Variants in DYNC1I1 observed in about 807,000 individuals in gnomAD.
DYNC1I1 encodes dynein cytoplasmic 1 intermediate chain 1.
In DYNC1I1, 43 loss-of-function variants were observed where a neutral mutation model predicts 86.6. The observed-to-expected ratio is 0.50, with a 90% CI of 0.39 to 0.64. The LOEUF (loss-of-function observed/expected upper bound fraction) is 0.64, where lower values mean the gene tolerates loss of function less well. Among genes scored for constraint, DYNC1I1 ranks in the 30% least tolerant of loss-of-function variants. DYNC1I1 has a pLI of 0.00. For synonymous variants in DYNC1I1, 262 were observed against 283.7 expected, an observed-to-expected ratio of 0.92 and a Z score of 0.77; for missense variants, 604 against 788.8, an observed-to-expected ratio of 0.77 and a Z score of 2.81.
At chr7:96,075,960 G>A (rs1053790504) in intron 14 of DYNC1I1, 97 bp from the exon 15 acceptor site, 5 of 1,500,216 alleles carry the variant, frequency 3.3e-6, no homozygotes, top group Admixed American at 2.0e-5. Context: ...GAAGTTTTAT[G>A]ACACTTTGTG....
rs1267027284 is a variant in DYNC1I1, at chr7:95,772,726, C to T, written c.-57C>T. On this transcript the variant is annotated 5_prime_UTR_variant, in exon 1 of 17. Coordinates refer to ENST00000447467, the MANE Select transcript of DYNC1I1 (RefSeq NM_001135556.2). ...ACCAACGCTGCCGCCGCCCAGGAGC[C>T]GCCGCCGGCTCGGGGAGCCCAGTTC... is the stretch of plus-strand genomic sequence containing the variant. 2 of 152,680 alleles carry T rather than the reference C, an allele frequency of 1.3e-5. No homozygotes were observed. The highest frequency in any genetic ancestry group is 4.8e-5 in the African/African-American group (2 of 41,446). The allele number at this position is 152,680 out of a possible 1,614,324, so 9.5% of individuals were successfully genotyped here. A position where few individuals can be genotyped will look rare whatever the true frequency, so the allele number is the denominator to read the frequency against.
chr7:96,097,808 T>C lies in DYNC1I1; in HGVS notation c.*215T>C. On this transcript the variant is annotated 3_prime_UTR_variant, in exon 17 of 17. Transcript: ENST00000447467. The stretch of plus-strand genomic sequence containing the variant: ...ACCACAGCATTTCTATCTTTATATT[T>C]CTGTCTCAAAAATGAAGAGAAGGGG... The C allele has an allele frequency of 7.8e-7, 1 of 1,282,790 alleles. No individual in the cohort carries two copies. Among genetic ancestry groups the C allele is most frequent in the South Asian group, 2.5e-5 (1 of 40,214 alleles). The allele number at this position is 1,282,790 out of a possible 1,614,324, so 79.5% of individuals were successfully genotyped here.
chr7:95,905,106 T>A (rs1014413000), intron 6 of DYNC1I1, among the ~76,000 whole-genome samples: 3 of 152,178 alleles, frequency 2.0e-5, no homozygotes, highest in Non-Finnish European at 4.4e-5. Flanking sequence ...TTATTTAAAG[T>A]GTTGTTTTCA....
intron 6 of DYNC1I1, among the ~76,000 whole-genome samples, chr7:95,910,471 C>T (rs1266919824): frequency 3.3e-5 from 5 of 152,114 alleles, no homozygotes; most frequent in African/African-American, 7.2e-5. Flanking sequence ...ACACTTATCC[C>T]TGGAAGTGGT....
chr7:95,859,533 CCCAGT>C (rs1273373534), intron 5 of DYNC1I1, among the ~76,000 whole-genome samples: 1 of 152,226 alleles, frequency 6.6e-6, no homozygotes, highest in African/African-American at 2.4e-5. Context: ...GCTCCAAAGC[CCCAGT>C]CCACTGTGGC....
intron 6 of DYNC1I1, 117 bp downstream of exon 6, chr7:95,870,115 T>C (rs912058258): frequency 3.4e-5 from 30 of 871,522 alleles, no homozygotes; most frequent in Non-Finnish European, 4.9e-5. Context: ...ACAAACATAA[T>C]GACACTGAAA....
At chr7:96,037,299 G>GTTATTCATTCATTCATAAATA (rs1200881620) in intron 13 of DYNC1I1, among the ~76,000 whole-genome samples, 4 of 152,144 alleles carry the variant, frequency 2.6e-5, no homozygotes, top group Admixed American at 6.5e-5. Context: ...ATTTGATAAA[G>GTTATTCATTCATTCATAAATA]TTATTCATTC....
At chr7:95,870,589 T>C (rs1790137054) in intron 6 of DYNC1I1, among the ~76,000 whole-genome samples, 1 of 152,242 alleles carries the variant, frequency 6.6e-6, no homozygotes, top group African/African-American at 2.4e-5. Context: ...CCAATTGAGG[T>C]AACAACACAC....
chr7:96,018,616 G>A (rs1303570373), intron 10 of DYNC1I1, among the ~76,000 whole-genome samples: 1 of 152,174 alleles, frequency 6.6e-6, no homozygotes, highest in Non-Finnish European at 1.5e-5. Context: ...TACATGGAGA[G>A]TGATGCTGAA....
At chr7:96,052,809 G>A (rs1789443256) in intron 14 of DYNC1I1, among the ~76,000 whole-genome samples, 1 of 152,164 alleles carries the variant, frequency 6.6e-6, no homozygotes, top group South Asian at 2.1e-4. Context: ...ATGCGATGGA[G>A]TGTAGACTTT....
intron 1 of DYNC1I1, among the ~76,000 whole-genome samples, chr7:95,775,012 A>G (rs755371262): frequency 5.3e-5 from 8 of 152,262 alleles, no homozygotes; most frequent in Non-Finnish European, 1.0e-4. Context: ...GATTGATAAC[A>G]GTAGCTAAAA....
At chr7:95,912,950 A>T (rs1371646873) in intron 6 of DYNC1I1, among the ~76,000 whole-genome samples, 1 of 152,208 alleles carries the variant, frequency 6.6e-6, no homozygotes, top group African/African-American at 2.4e-5. Flanking sequence ...CATGCTCCCA[A>T]AATGAGAACC....
intron 10 of DYNC1I1, among the ~76,000 whole-genome samples, chr7:96,026,868 C>A (rs1020744869): frequency 6.6e-6 from 1 of 152,150 alleles, no homozygotes; most frequent in Non-Finnish European, 1.5e-5. Flanking sequence ...CATCTATCCC[C>A]CTCACACACA....
At chr7:95,862,217 G>C (rs1789901804) in intron 5 of DYNC1I1, among the ~76,000 whole-genome samples, 1 of 152,020 alleles carries the variant, frequency 6.6e-6, no homozygotes. Context: ...TATTAAAATT[G>C]AAAATATTTG....
chr7:96,009,373 A>C (rs911486140), intron 10 of DYNC1I1, among the ~76,000 whole-genome samples: 1 of 152,180 alleles, frequency 6.6e-6, no homozygotes, highest in Non-Finnish European at 1.5e-5. Context: ...ACTCCAGAGC[A>C]AGCTCCACCA....
chr7:96,089,774 G>C (rs2116309158), intron 16 of DYNC1I1, among the ~76,000 whole-genome samples: 1 of 152,228 alleles, frequency 6.6e-6, no homozygotes, highest in African/African-American at 2.4e-5. Flanking sequence ...TTCAGTAGGA[G>C]GGAATGACAT....
Position 95,923,393 on chromosome 7 carries a change from A to G in DYNC1I1, c.490+53395A>G, listed in dbSNP as rs143068823. 2.4e-3 allele frequency among the ~76,000 whole-genome samples: 372 copies of G among 152,206 alleles called. 4 individuals are homozygous for G. Among genetic ancestry groups the G allele is most frequent in the African/African-American group, 8.6e-3 (359 of 41,558 alleles). On this transcript the variant is annotated intron_variant, in intron 6 of 16. Transcript: ENST00000447467. ...AAAAATAGAGAGACCCCCTACACTG[A>G]CCTTGTAAATAGTCTTAGTGCCCAA...
chr7:95,830,108 G>A (rs960950677), intron 5 of DYNC1I1, among the ~76,000 whole-genome samples: 5 of 152,152 alleles, frequency 3.3e-5, no homozygotes, highest in African/African-American at 1.2e-4. Flanking sequence ...AAAATTTCTA[G>A]ATTTTTCTAG....
intron 9 of DYNC1I1, among the ~76,000 whole-genome samples, chr7:95,990,238 T>A (rs1173760746): frequency 6.6e-6 from 1 of 152,196 alleles, no homozygotes; most frequent in East Asian, 1.9e-4. Context: ...TCAATAATAC[T>A]ATCACATACC....
Sources: allele counts gnomAD v4.1 joint callset (sites outside exome capture counted in the v4.1 genomes callset), GRCh38; gene constraint gnomAD v4.1.1; transcripts MANE v1.5; gene names NCBI Gene and HGNC (gene_info 2026-07-23, HGNC 2026-07-21).